SMG5: variants seen among roughly 807,000 people sequenced by gnomAD.
SMG5 encodes the protein SMG5 nonsense mediated mRNA decay factor.
SMG5 carries 53 observed loss-of-function variants against 122.9 expected under a neutral mutation model. The observed-to-expected ratio is 0.43, with a 90% confidence interval of 0.35 to 0.54. The LOEUF is 0.54. Among genes scored for constraint, SMG5 ranks in the 20% least tolerant of loss-of-function variants. The pLI is 0.01. For synonymous variants in SMG5, 477 were observed against 490.2 expected (o/e 0.97, Z 0.35); for missense variants, 1,153 against 1,285.6 (o/e 0.90, Z 1.58).
intron 18 of SMG5, 52 bp downstream of exon 18, chr1:156,252,867 C>T: frequency 6.8e-7 from 1 of 1,465,728 alleles, no homozygotes; most frequent in Non-Finnish European, 9.1e-7. Flanking sequence ...AATCCCAAGC[C>T]CAGAATCTCT....
At chr1:156,262,477 G>GGA (rs1385257056) in intron 13 of SMG5, among the ~76,000 whole-genome samples, 4 of 67,004 alleles carry the variant, frequency 6.0e-5, no homozygotes, top group Non-Finnish European at 1.2e-4. Context: ...CTCCATCTCA[G>GGA]AAAAAAAAAA....
chr1:156,256,943 TCCAGA>T, intron 16 of SMG5, among the ~76,000 whole-genome samples: 1 of 143,016 alleles, frequency 7.0e-6, no homozygotes, highest in Non-Finnish European at 1.5e-5. Flanking sequence ...TTTTTTTTTT[TCCAGA>T]CAGAGTCTCG....
At chr1:156,275,152 CA>C (rs1662625674) in intron 4 of SMG5, among the ~76,000 whole-genome samples, 1 of 101,118 alleles carries the variant, frequency 9.9e-6, no homozygotes, top group Non-Finnish European at 2.2e-5. Context: ...AAAAAAAAAG[CA>C]AAAACAACGA....
intron 3 of SMG5, 64 bp from the exon 4 acceptor site, chr1:156,277,305 T>G: frequency 1.3e-6 from 2 of 1,535,454 alleles, no homozygotes; most frequent in Non-Finnish European, 1.8e-6. Flanking sequence ...TCACCCTCCC[T>G]TACCCTGTTC....
chr1:156,284,387 C>T (rs1663086727), upstream of SMG5: 1 of 152,168 alleles, frequency 6.6e-6, no homozygotes, highest in Admixed American at 6.5e-5. Flanking sequence ...ACGCTGGGGA[C>T]CCTCCACTCC....
At chr1:156,267,432 G>A (rs1039236689) in intron 10 of SMG5, 38 bp downstream of exon 10, 1 of 1,599,330 alleles carries the variant, frequency 6.3e-7, no homozygotes, top group African/African-American at 1.3e-5. Context: ...GATCCCCAAA[G>A]CCAGTGGAAG....
At chr1:156,251,170 A>G in intron 20 of SMG5, 174 bp from the exon 21 acceptor site, 1 of 969,202 alleles carries the variant, frequency 1.0e-6, no homozygotes, top group South Asian at 1.6e-5. Context: ...GCATTGAGGG[A>G]AAACACCAAG....
rs762722590 is a variant in SMG5, at chr1:156,259,083, T to C, written c.2364A>G (p.Pro788=). 5 of 1,612,282 alleles carry C rather than the reference T, an allele frequency of 3.1e-6. No homozygotes were observed. The highest frequency in any genetic ancestry group is 1.7e-5 in the Admixed American group (1 of 59,442). Reference sequence around the variant, plus strand: ...CAATGCTGACGAAGATGCCAACCTCTGGGTTGAACTGCAGGATGCTGCCTT... The same window carrying C: ...CAATGCTGACGAAGATGCCAACCTCCGGGTTGAACTGCAGGATGCTGCCTT... ...RLQGSILQFN[P]EVGIFVSIAQ... is the part of the protein sequence containing the mutation. Residue 788 remains proline (P), a synonymous_variant, in exon 16 of 22, where the codon CCA becomes CCG. Transcript: ENST00000361813.
intron 16 of SMG5, among the ~76,000 whole-genome samples, chr1:156,257,650 T>C (rs1661642065): frequency 6.6e-6 from 1 of 152,208 alleles, no homozygotes; most frequent in Non-Finnish European, 1.5e-5. Flanking sequence ...ATAAAAGCCT[T>C]AACAAAGGTT....
rs762560844 is a variant in SMG5, at chr1:156,261,454, T to C, written c.2032-46A>G. ...GGAGGCCTTCAGCTAGAGACAGTGG[T>C]GGAGAACAGCAGTGAGCAAGGAAAG... On this transcript the variant is annotated intron_variant, in intron 13 of 21. Coordinates refer to ENST00000361813, the MANE Select transcript of SMG5 (RefSeq NM_015327.3). 1.3e-5 allele frequency: 20 copies of C among 1,531,030 alleles called. No homozygotes were observed. In the Admixed American group the frequency reaches 3.4e-4, roughly 26 times the overall value. 94.8% of individuals were successfully genotyped at this position (1,531,030 alleles called of 1,614,324 possible). A position where few individuals can be genotyped will look rare whatever the true frequency, so the allele number is the denominator to read the frequency against.
intron 1 of SMG5, among the ~76,000 whole-genome samples, chr1:156,281,917 G>C (rs1479944002): frequency 6.6e-6 from 1 of 152,168 alleles, no homozygotes; most frequent in Non-Finnish European, 1.5e-5. Context: ...ACCAGGAACG[G>C]AAGTTGCCTG....
intron 9 of SMG5, 32 bp downstream of exon 9, chr1:156,268,083 G>C (rs1046372408): frequency 2.5e-6 from 4 of 1,608,994 alleles, no homozygotes; most frequent in East Asian, 2.2e-5. Flanking sequence ...GGGCTCACAG[G>C]ATAGTTCAGG....
chr1:156,282,588 A>C lies in SMG5; in HGVS notation c.74+19T>G. ...CCCACTTCCCTCGGTGGCTGCTCTC[A>C]CGCCCTGGCCCCTCTCACCGGTAAA... On this transcript the variant is annotated intron_variant, in intron 1 of 21. Coordinates refer to ENST00000361813, the MANE Select transcript of SMG5 (RefSeq NM_015327.3). 6.2e-7 allele frequency: 1 copy of C among 1,600,524 alleles called. No homozygotes were observed. Among genetic ancestry groups the C allele is most frequent in the Non-Finnish European group, 8.5e-7 (1 of 1,176,768 alleles).
intron 9 of SMG5, 62 bp from the exon 10 acceptor site, chr1:156,267,740 G>C: frequency 7.2e-7 from 1 of 1,391,440 alleles, no homozygotes; most frequent in Non-Finnish European, 9.9e-7. Flanking sequence ...GAGAAGAGCA[G>C]GGAATACAAG....
chr1:156,274,356 T>C (rs1662582373), intron 5 of SMG5, among the ~76,000 whole-genome samples: 1 of 152,224 alleles, frequency 6.6e-6, no homozygotes, highest in South Asian at 2.1e-4. Flanking sequence ...AGAGAATTAT[T>C]ATCTTCATTT....
At chr1:156,251,332 C>A (rs1661345248) in intron 20 of SMG5, 71 bp downstream of exon 20, 23 of 1,548,264 alleles carry the variant, frequency 1.5e-5, no homozygotes, top group Admixed American at 1.2e-4. Flanking sequence ...CCTACCCGTT[C>A]TCCCTAGGAA....
At chr1:156,260,894 T>C (rs539116222) in intron 14 of SMG5, among the ~76,000 whole-genome samples, 1 of 152,152 alleles carries the variant, frequency 6.6e-6, no homozygotes, top group Admixed American at 6.5e-5. Flanking sequence ...GGGATGGAAA[T>C]GAGAGGAGGC....
At chr1:156,271,479 C>T (rs1662417788) in intron 7 of SMG5, among the ~76,000 whole-genome samples, 1 of 151,658 alleles carries the variant, frequency 6.6e-6, no homozygotes, top group Non-Finnish European at 1.5e-5. Flanking sequence ...TTCTGGTTTA[C>T]CTATCAGTCT....
In SMG5 at chr1:156,282,806, G is replaced by A; in HGVS notation, c.-126C>T. ...CCGGCCCTGCTCGGCCGCCATCGCT[G>A]TGAGGCGGCTGCCCGCGACAGCTCC... On this transcript the variant is annotated 5_prime_UTR_variant, in exon 1 of 22. Transcript: ENST00000361813. 1 of 1,050,772 alleles carries A rather than the reference G, an allele frequency of 9.5e-7. No homozygotes were observed. Among genetic ancestry groups the A allele is most frequent in the Non-Finnish European group, 1.3e-6 (1 of 755,032 alleles). The allele number at this position is 1,050,772 out of a possible 1,614,324, so 65.1% of individuals were successfully genotyped here.
Sources: gnomAD v4.1 joint callset for allele counts (sites outside exome capture counted in the v4.1 genomes callset) on GRCh38, gnomAD v4.1.1 for gene constraint, MANE v1.5 for transcripts, NCBI Gene and HGNC (gene_info 2026-07-23, HGNC 2026-07-21) for gene names.